The following CETP variants were observed in gnomAD, a reference collection of about 807,000 sequenced individuals.
CETP encodes cholesteryl ester transfer protein, also known as BPI fold containing family F.
In CETP, 56 loss-of-function variants were observed where a neutral mutation model predicts 66.5. The observed-to-expected ratio is 0.84, with a 90% confidence interval of 0.68 to 1.05. CETP has a LOEUF of 1.05. CETP is among the 50% of genes least tolerant of loss of function. The pLI is 0.00. For missense variants in CETP, 612 were observed against 609.6 expected, an observed-to-expected ratio of 1.00 and a Z score of -0.04; for synonymous variants, 251 against 245.7, an observed-to-expected ratio of 1.02 and a Z score of -0.20.
chr16:56,972,945 T>A (rs1259257786), intron 8 of CETP, among the ~76,000 whole-genome samples: 1 of 152,054 alleles, frequency 6.6e-6, no homozygotes, highest in Admixed American at 6.6e-5. Context: ...AGCAGCTTGT[T>A]TTCCTGATTT....
chr16:56,968,729 C>CTT (rs201835654), intron 2 of CETP, among the ~76,000 whole-genome samples: 2,401 of 126,934 alleles, frequency 0.019, 94 homozygotes, highest in African/African-American at 0.065. Flanking sequence ...GAGTCTTCTT[C>CTT]TTTTTTTTTT....
rs1326253991 is a variant in CETP at position 56,983,379 on chromosome 16, G to A, written c.1375G>A (p.Asp459Asn). Residue 459 changes from aspartate (D) to asparagine (N), a missense_variant, in exon 15 of 16, where the codon GAC (aspartate) becomes AAC (asparagine). Transcript: ENST00000200676. The part of the protein sequence containing the change: ...LMNSKGVSLF[D>N]IINPEIITRD... ...GAACAGCAAAGGCGTGAGCCTCTTC[G>A]ACATCATCAACCCTGAGATTATCAC... 1.2e-6 allele frequency: 2 copies of A among 1,614,192 alleles called. No homozygotes were observed. Among genetic ancestry groups the A allele is most frequent in the South Asian group, 1.1e-5 (1 of 91,088 alleles).
chr16:56,962,404 A>G, intron 1 of CETP: 1 of 626,772 alleles, frequency 1.6e-6, no homozygotes, highest in South Asian at 1.4e-5. Flanking sequence ...GAGCCAGGTT[A>G]GGGGGTTGAG....
rs2056091040 is a variant in CETP, at chr16:56,969,372, C to G, written c.234-14C>G. ...TGACCCCCAACATCCTTCCTCACTT[C>G]CATTCCTTCCCAGCATCCAGATCAG... On this transcript the variant is annotated splice_polypyrimidine_tract_variant and intron_variant, in intron 2 of 15. Coordinates refer to ENST00000200676, the MANE Select transcript of CETP (RefSeq NM_000078.3). 1.9e-6 allele frequency: 3 copies of G among 1,613,364 alleles called. No homozygotes were observed. The South Asian group carries it at 3.3e-5, about 18-fold the overall frequency.
intron 2 of CETP, among the ~76,000 whole-genome samples, chr16:56,963,744 G>T (rs7194225): frequency 6.7e-6 from 1 of 149,436 alleles, no homozygotes; most frequent in Admixed American, 6.7e-5. Context: ...ATCTCAGCTC[G>T]TTGCAACCTC....
At chr16:56,967,151 C>G (rs1426167880) in intron 2 of CETP, among the ~76,000 whole-genome samples, 1 of 151,666 alleles carries the variant, frequency 6.6e-6, no homozygotes, top group African/African-American at 2.4e-5. Context: ...AGTTCAAGAC[C>G]AGCCTGGCCA....
chr16:56,970,381 G>A lies in CETP; in HGVS notation c.527+380G>A, dbSNP rs528492529. Among the ~76,000 whole-genome samples, 7 of 152,224 alleles carry A rather than the reference G, an allele frequency of 4.6e-5. No homozygotes were observed. In the East Asian group the frequency reaches 1.4e-3, roughly 29 times the overall value. The stretch of plus-strand genomic sequence containing the variant: ...TTAGAAAGGAAAAGCTCATATCTAC[G>A]GAGTGCATCCTGCATTCCAAGCACC... On this transcript the variant is annotated intron_variant, in intron 5 of 15. Coordinates refer to ENST00000200676, the MANE Select transcript of CETP (RefSeq NM_000078.3).
intron 2 of CETP, among the ~76,000 whole-genome samples, chr16:56,966,740 C>T (rs962398023): frequency 1.3e-5 from 2 of 151,376 alleles, no homozygotes; most frequent in Non-Finnish European, 2.9e-5. Flanking sequence ...GCTGGAACCA[C>T]AAGCATATGC....
At chr16:56,962,253 G>C in intron 1 of CETP, 156 bp downstream of exon 1, 2 of 757,504 alleles carry the variant, frequency 2.6e-6, no homozygotes, top group Admixed American at 3.6e-5. Flanking sequence ...GAGTGGAGCT[G>C]TCATCACCCC....
intron 2 of CETP, among the ~76,000 whole-genome samples, chr16:56,967,798 T>A (rs1301063054): frequency 6.6e-6 from 1 of 151,984 alleles, no homozygotes; most frequent in Non-Finnish European, 1.5e-5. Context: ...CCCCCCAATC[T>A]GCACAAAAAA....
At chr16:56,965,632 T>C (rs1742695276) in intron 2 of CETP, among the ~76,000 whole-genome samples, 1 of 152,084 alleles carries the variant, frequency 6.6e-6, no homozygotes, top group South Asian at 2.1e-4. Context: ...AACCAGGAAA[T>C]GTGTATAAAC....
intron 6 of CETP, 47 bp downstream of exon 6, chr16:56,971,149 A>G (rs1286513922): frequency 1.9e-6 from 3 of 1,594,484 alleles, no homozygotes; most frequent in Admixed American, 1.7e-5. Context: ...CATGCCCAGG[A>G]GGCTGGATCC....
chr16:56,973,283 G>T, intron 8 of CETP, 48 bp from the exon 9 acceptor site: 1 of 1,601,726 alleles, frequency 6.2e-7, no homozygotes. Flanking sequence ...CTGGACCTGA[G>T]CCCAGTAGGG....
chr16:56,965,690 C>T (rs1009207123), intron 2 of CETP, among the ~76,000 whole-genome samples: 1 of 152,126 alleles, frequency 6.6e-6, no homozygotes, highest in African/African-American at 2.4e-5. Flanking sequence ...ACGTGATGGC[C>T]GCTTCTATTG....
At chr16:56,978,625 C>A (rs2056167183) in intron 11 of CETP, among the ~76,000 whole-genome samples, 1 of 151,644 alleles carries the variant, frequency 6.6e-6, no homozygotes. Context: ...GGACCACAGA[C>A]AAACACCACC....
rs1269693548 is a variant in CETP, at chr16:56,969,943, G to GC, written c.473dup (p.Asp159Ter). The GC allele has an allele frequency of 6.2e-7, 1 of 1,614,152 alleles. No homozygotes were observed. Among genetic ancestry groups the GC allele is most frequent in the East Asian group, 2.2e-5 (1 of 44,880 alleles). On this transcript the variant is annotated frameshift_variant, in exon 5 of 16. Transcript: ENST00000200676. LOFTEE classifies it high-confidence loss of function. ...TGACTCTGGTAGAGTGCGGACCGAT[G>GC]CCCCTGACTGCTACCTGTCTTTCCA...
rs754996130 is a variant in CETP at position 56,971,974 on chromosome 16, G to A, written c.659-18G>A. On this transcript the variant is annotated intron_variant, in intron 7 of 15. Coordinates refer to ENST00000200676, the MANE Select transcript of CETP (RefSeq NM_000078.3). ...TTCCCCCATCCTGAGGCCCTGCGTTGATCTTTTCCTCCTGCAGCCAGCATC... is the reference window on the plus strand; with the variant it reads ...TTCCCCCATCCTGAGGCCCTGCGTTAATCTTTTCCTCCTGCAGCCAGCATC... 1 of 1,611,522 alleles carries A rather than the reference G, an allele frequency of 6.2e-7. No individual in the cohort carries two copies. The highest frequency in any genetic ancestry group is 1.1e-5 in the South Asian group (1 of 91,048).
chr16:56,970,309 T>G (rs2056100837), intron 5 of CETP, among the ~76,000 whole-genome samples: 1 of 152,266 alleles, frequency 6.6e-6, no homozygotes, highest in Non-Finnish European at 1.5e-5. Context: ...ATATAGATTC[T>G]GTTATCATCC....
intron 2 of CETP, among the ~76,000 whole-genome samples, chr16:56,963,414 TG>T (rs1362300870): frequency 6.6e-6 from 1 of 150,506 alleles, no homozygotes; most frequent in Non-Finnish European, 1.5e-5. Flanking sequence ...TCGGGGTGAA[TG>T]GGGGGTAGGG....
Sources: gnomAD v4.1 joint callset for allele counts (sites outside exome capture counted in the v4.1 genomes callset) on GRCh38, gnomAD v4.1.1 for gene constraint, MANE v1.5 for transcripts, NCBI Gene and HGNC (gene_info 2026-07-23, HGNC 2026-07-21) for gene names.